The following TENM1 variants were observed in gnomAD, a reference collection of about 807,000 sequenced individuals.
The protein encoded by TENM1 is teneurin-1.
TENM1 carries 35 observed loss-of-function variants against 174.8 expected under a neutral mutation model. The observed-to-expected ratio is 0.20, with a 90% CI of 0.15 to 0.27. TENM1 has a LOEUF of 0.27. Ranked by LOEUF, TENM1 falls within the 10% of genes least tolerant of loss-of-function variation. TENM1 has a pLI of 1.00. For synonymous variants in TENM1, 781 were observed against 798.7 expected (o/e 0.98, Z 0.37); for missense variants, 1,633 against 2,130.1 (o/e 0.77, Z 4.59).
At chrX:124,688,178 T>C (rs2052417759) in intron 5 of TENM1, among the ~76,000 whole-genome samples, 1 of 106,645 alleles carries the variant, frequency 9.4e-6, no homozygotes, top group East Asian at 3.0e-4. Flanking sequence ...TTAATAATAA[T>C]GTATACTTCA....
At chrX:125,164,290 C>G in the TENM1 span, among the ~76,000 whole-genome samples, 1 of 111,552 alleles carries the variant, frequency 9.0e-6, no homozygotes, top group Non-Finnish European at 1.9e-5. Context: ...CACTTTCAAT[C>G]CCTCTCAGAA....
chrX:124,798,065 C>T (rs184404727), intron 3 of TENM1, among the ~76,000 whole-genome samples: 86 of 111,829 alleles, frequency 7.7e-4, no homozygotes, highest in African/African-American at 2.7e-3. Context: ...CATATATGTG[C>T]CACATTTTCT....
At chrX:124,862,167 A>C (rs2056923212) in intron 3 of TENM1, among the ~76,000 whole-genome samples, 1 of 112,029 alleles carries the variant, frequency 8.9e-6, no homozygotes, top group Non-Finnish European at 1.9e-5. Flanking sequence ...CATATAAACA[A>C]AGCCTTTAAA....
chrX:124,378,203 G>A lies in TENM1; in HGVS notation c.*2333C>T, dbSNP rs182737752. On this transcript the variant is annotated 3_prime_UTR_variant, in exon 32 of 32. Transcript: ENST00000422452. ...TCAAGGTAATCACTATTAAGTAAAA[G>A]CTTCAAATATTTGTTTCTAATGGAT... 7 of 111,939 alleles carry A rather than the reference G, an allele frequency of 6.3e-5. No homozygotes were observed. The East Asian group carries it at 2.0e-3, about 32-fold the overall frequency. The allele number at this position is 111,939 out of a possible 1,213,427, so 9.2% of individuals were successfully genotyped here.
chrX:124,408,775 C>A (rs1258752206), intron 25 of TENM1, among the ~76,000 whole-genome samples: 3 of 102,370 alleles, frequency 2.9e-5, no homozygotes, highest in Middle Eastern at 4.9e-3. Flanking sequence ...CCCGTTAACT[C>A]GTCATTTAAC....
chrX:124,421,121 T>G (rs1341885755), intron 24 of TENM1, among the ~76,000 whole-genome samples: 1 of 111,921 alleles, frequency 8.9e-6, no homozygotes, highest in Non-Finnish European at 1.9e-5. Context: ...CTGCAAATAA[T>G]GATAGCCACA....
chrX:124,706,872 C>G, intron 4 of TENM1, among the ~76,000 whole-genome samples: 1 of 110,767 alleles, frequency 9.0e-6, no homozygotes, highest in East Asian at 2.8e-4. Flanking sequence ...AACAACTTGC[C>G]CAAACTCACC....
chrX:125,069,588 C>A, the TENM1 span, among the ~76,000 whole-genome samples: 4 of 109,853 alleles, frequency 3.6e-5, no homozygotes, highest in Non-Finnish European at 7.6e-5. Flanking sequence ...CAACACACTC[C>A]GGGGCCTGTT....
At chrX:124,862,516 C>T (rs2056931741) in intron 3 of TENM1, among the ~76,000 whole-genome samples, 1 of 110,969 alleles carries the variant, frequency 9.0e-6, no homozygotes, top group Non-Finnish European at 1.9e-5. Context: ...TTTGTTAGAG[C>T]AAAAAGGATA....
intron 3 of TENM1, among the ~76,000 whole-genome samples, chrX:124,803,422 C>G (rs1448901645): frequency 9.0e-6 from 1 of 111,441 alleles, no homozygotes; most frequent in Admixed American, 9.6e-5. Flanking sequence ...CTGGTATGCT[C>G]TTCTCCACTC....
chrX:124,579,307 C>T (rs1306306616), intron 11 of TENM1, among the ~76,000 whole-genome samples: 4 of 112,065 alleles, frequency 3.6e-5, no homozygotes, highest in Non-Finnish European at 7.5e-5. Flanking sequence ...TTGGTTTTCA[C>T]GGTTCTCCAG....
At chrX:124,896,306 CT>C in intron 1 of TENM1, 65 bp from the exon 5 acceptor site, 1 of 1,111,368 alleles carries the variant, frequency 9.0e-7, no homozygotes, top group East Asian at 3.0e-5. Context: ...GAAAATTCTA[CT>C]TTTTGTTCTC....
chrX:124,814,270 A>G (rs986717896), intron 3 of TENM1, among the ~76,000 whole-genome samples: 3 of 111,886 alleles, frequency 2.7e-5, no homozygotes, highest in East Asian at 5.6e-4. Flanking sequence ...CATAATGGAT[A>G]ATGTGTTTGG....
the TENM1 span, among the ~76,000 whole-genome samples, chrX:125,176,896 A>T: frequency 9.0e-6 from 1 of 111,545 alleles, no homozygotes; most frequent in Non-Finnish European, 1.9e-5. Context: ...CTTGGTGCAA[A>T]CTGGTACTCA....
At chrX:124,757,802 C>T (rs1026515075) in intron 3 of TENM1, among the ~76,000 whole-genome samples, 3 of 112,345 alleles carry the variant, frequency 2.7e-5, no homozygotes, top group Non-Finnish European at 5.6e-5. Context: ...ATTTGGGGAA[C>T]TTCTTACACG....
chrX:124,877,129 T>C (rs1050362713), intron 3 of TENM1, among the ~76,000 whole-genome samples: 32 of 112,137 alleles, frequency 2.9e-4, no homozygotes, highest in South Asian at 3.6e-4. Context: ...TATTTTGAAA[T>C]AGGTGATCAT....
chrX:124,853,967 C>A (rs1039575992), intron 3 of TENM1, among the ~76,000 whole-genome samples: 1 of 110,353 alleles, frequency 9.1e-6, no homozygotes, highest in Non-Finnish European at 1.9e-5. Context: ...AGAGAGAGAG[C>A]CTGAAAAGGT....
At chrX:125,020,436 A>C in the TENM1 span, among the ~76,000 whole-genome samples, 7 of 109,842 alleles carry the variant, frequency 6.4e-5, no homozygotes, top group Non-Finnish European at 9.5e-5. Context: ...TCAAGAAACC[A>C]GGGTTCAGGC....
At chrX:125,130,469 A>G in the TENM1 span, among the ~76,000 whole-genome samples, 1 of 111,227 alleles carries the variant, frequency 9.0e-6, no homozygotes, top group East Asian at 2.8e-4. Flanking sequence ...TAATTACTTA[A>G]AAATTAATTA....
Sources: allele counts gnomAD v4.1 joint callset (sites outside exome capture counted in the v4.1 genomes callset), GRCh38; gene constraint gnomAD v4.1.1; transcripts MANE v1.5; gene names NCBI Gene and HGNC (gene_info 2026-07-23, HGNC 2026-07-21).